NSUN2: variants seen among roughly 807,000 people sequenced by gnomAD.
The protein encoded by NSUN2 is NOP2/Sun RNA methyltransferase 2.
NSUN2 carries 63 observed loss-of-function variants against 92.7 expected under a neutral mutation model. The observed-to-expected ratio is 0.68, with a 90% CI of 0.56 to 0.84. The LOEUF is 0.84. NSUN2 is among the 40% of genes least tolerant of loss of function. NSUN2 has a pLI of 0.00. For missense variants in NSUN2, 989 were observed against 964.9 expected, an observed-to-expected ratio of 1.02 and a Z score of -0.33; for synonymous variants, 356 against 348.3, an observed-to-expected ratio of 1.02 and a Z score of -0.25.
intron 7 of NSUN2, among the ~76,000 whole-genome samples, chr5:6,619,007 C>T (rs1355776898): frequency 6.6e-6 from 1 of 152,128 alleles, no homozygotes; most frequent in African/African-American, 2.4e-5. Flanking sequence ...GAAATCCCAC[C>T]ACAATTTCAG....
chr5:6,620,673 C>A (rs1737398955), intron 6 of NSUN2: 1 of 156,656 alleles, frequency 6.4e-6, no homozygotes, highest in Admixed American at 6.5e-5. Flanking sequence ...TGAACACAAG[C>A]CGGGACCCTG....
rs753194478 is a variant in NSUN2, at chr5:6,611,751, A to C, written c.1069T>G (p.Trp357Gly). 3.7e-6 allele frequency: 6 copies of C among 1,614,160 alleles called. No individual in the cohort carries two copies. Among genetic ancestry groups the C allele is most frequent in the South Asian group, 1.1e-5 (1 of 91,076 alleles). ...DVSNELPGLK[W>G]MPGITQWKVM... ...TTCCACTGTGTGATTCCAGGCATCCACTTCAGCCCTGGCAGTTCATTAGAC... is the reference window on the plus strand; with the variant it reads ...TTCCACTGTGTGATTCCAGGCATCCCCTTCAGCCCTGGCAGTTCATTAGAC... The change falls in exon 10 of 19, where the codon TGG (tryptophan) becomes GGG (glycine). Residue 357 changes from tryptophan (W) to glycine (G), a missense_variant. By Grantham distance (184) the Trp-to-Gly change is radical. This residue lies in a region of NSUN2 where 626 missense variants were observed against 602.3 expected (regional missense o/e 1.04). Coordinates refer to ENST00000264670, the MANE Select transcript of NSUN2 (RefSeq NM_017755.6).
chr5:6,632,943 G>A lies in NSUN2; in HGVS notation c.37C>T (p.Gln13Ter), dbSNP rs1194658632. ...TCCTCCGCGTCCTCCGGCCGCTGCT[G>A]TTGCTGGAGCCGCCGACCCCGCGAC... Reference protein sequence around the residue: ...RRSRGRRLQQQQRPEDAEDGA... With the variant: ...RRSRGRRLQQ The change falls in exon 1 of 19, where the codon CAG becomes TAG. Residue 13 changes from glutamine to a stop codon, truncating the protein, a stop_gained. Coordinates refer to ENST00000264670, the MANE Select transcript of NSUN2 (RefSeq NM_017755.6). LOFTEE classifies it high-confidence loss of function. 6.6e-7 allele frequency: 1 copy of A among 1,506,736 alleles called. No homozygotes were observed. Among genetic ancestry groups the A allele is most frequent in the South Asian group, 1.2e-5 (1 of 81,158 alleles). The allele number at this position is 1,506,736 out of a possible 1,614,324, so 93.3% of individuals were successfully genotyped here.
rs187802504 is a variant in NSUN2 at position 6,606,906 on chromosome 5, A to T, written c.1515T>A (p.Pro505=). The stretch of plus-strand genomic sequence containing the variant: ...CAAATAACTTCATTTTCTTTGATGG[A>T]GGAGGACTAAAAAGGGAATCAGGAT... ...GSKKDGVCGP[P]PSKKMKLFGF... The change falls in exon 14 of 19, where the codon CCT becomes CCA. Residue 505 remains proline, a synonymous_variant. Coordinates refer to ENST00000264670, the MANE Select transcript of NSUN2 (RefSeq NM_017755.6). 3 of 1,566,270 alleles carry T rather than the reference A, an allele frequency of 1.9e-6. No individual in the cohort carries two copies. The highest frequency in any genetic ancestry group is 2.7e-5 in the African/African-American group (2 of 74,008).
Position 6,618,026 on chromosome 5 carries a change from T to C in NSUN2, c.816-2A>G. ...TTTTTTCTCATAGTGCCGTCTCCAC[T>C]GGAAAAAAGATATTTATGAGTGCAA... On this transcript the variant is annotated splice_acceptor_variant, in intron 7 of 18. Coordinates refer to ENST00000264670, the MANE Select transcript of NSUN2 (RefSeq NM_017755.6). LOFTEE classifies it high-confidence loss of function. 1 of 1,611,750 alleles carries C rather than the reference T, an allele frequency of 6.2e-7. No homozygotes were observed. Among genetic ancestry groups the C allele is most frequent in the Non-Finnish European group, 8.5e-7 (1 of 1,178,148 alleles).
At position 6,600,153 on chromosome 5, in the gene NSUN2, T is replaced by C. The variant is rs762371907; in HGVS notation, c.2077A>G (p.Asn693Asp). ...ATCCTGAGATAATGAAGCCGTTCAT[T>C]CTTGGGCACAAAAGTTCGAATGGAG... The part of the protein sequence containing the change: ...KASIRTFVPK[N>D]ERLHYLRMMG... Residue 693 changes from asparagine (N) to aspartate (D), a missense_variant, in exon 19 of 19, where the codon AAT becomes GAT. Around this residue, in one of 3 missense-constraint regions of NSUN2, gnomAD observed 626 missense variants for 602.3 expected, o/e 1.04. Transcript: ENST00000264670. 1.7e-5 allele frequency: 27 copies of C among 1,614,228 alleles called. No individual in the cohort carries two copies. In the East Asian group the frequency reaches 5.6e-4, roughly 33 times the overall value.
intron 3 of NSUN2, among the ~76,000 whole-genome samples, chr5:6,628,587 T>C (rs534450353): frequency 6.6e-6 from 1 of 152,334 alleles, no homozygotes; most frequent in African/African-American, 2.4e-5. Context: ...TACCAGAGGA[T>C]TGGGAAGAAT....
At chr5:6,608,037 T>C (rs1366297) in intron 12 of NSUN2, among the ~76,000 whole-genome samples, 89,580 of 152,124 alleles carry the variant, frequency 0.59, 27,087 homozygotes, top group Non-Finnish European at 0.67. Flanking sequence ...AATTCCTCAG[T>C]CCCTATGAAG....
intron 7 of NSUN2, among the ~76,000 whole-genome samples, chr5:6,619,617 A>C (rs1234427728): frequency 6.6e-6 from 1 of 152,216 alleles, no homozygotes; most frequent in Non-Finnish European, 1.5e-5. Context: ...ATAAAAACAC[A>C]AGCAAAATGA....
chr5:6,604,628 A>T lies in NSUN2; in HGVS notation c.1795T>A (p.Cys599Ser), dbSNP rs752190379. Residue 599 changes from cysteine (C) to serine (S), a missense_variant, in exon 16 of 19, where the codon TGT becomes AGT. This residue lies in a region of NSUN2 where 626 missense variants were observed against 602.3 expected (regional missense o/e 1.04). Transcript: ENST00000264670. Reference sequence around the variant, plus strand: ...ACCTCCTGTGCCAGCCGGAAAGCACAGTCAAACTCTTCACCGCTGTTATTT... The same window carrying T: ...ACCTCCTGTGCCAGCCGGAAAGCACTGTCAAACTCTTCACCGCTGTTATTT... The part of the protein sequence containing the change: ...CRNNSGEEFD[C>S]AFRLAQEGIY... 1 of 1,614,180 alleles carries T rather than the reference A, an allele frequency of 6.2e-7. No homozygotes were observed. The highest frequency in any genetic ancestry group is 1.1e-5 in the South Asian group (1 of 91,080).
At chr5:6,605,172 G>A (rs2126472278) in intron 15 of NSUN2, 101 bp downstream of exon 15, 2 of 1,482,234 alleles carry the variant, frequency 1.3e-6, no homozygotes, top group East Asian at 4.5e-5. Flanking sequence ...TACAGGTGGG[G>A]AGGGCAGATG....
At chr5:6,622,367 T>C (rs1737481223) in intron 5 of NSUN2, among the ~76,000 whole-genome samples, 1 of 152,142 alleles carries the variant, frequency 6.6e-6, no homozygotes, top group South Asian at 2.1e-4. Flanking sequence ...GTAAGAATCA[T>C]GAAAACATAA....
At chr5:6,611,348 T>A (rs1166195992) in intron 10 of NSUN2, among the ~76,000 whole-genome samples, 2 of 151,720 alleles carry the variant, frequency 1.3e-5, no homozygotes, top group African/African-American at 4.8e-5. Flanking sequence ...ACATTTTCCA[T>A]CTAGTTTTTT....
intron 9 of NSUN2, among the ~76,000 whole-genome samples, chr5:6,613,913 A>G (rs1194445817): frequency 6.6e-6 from 1 of 152,076 alleles, no homozygotes; most frequent in East Asian, 1.9e-4. Flanking sequence ...CCTGGCCAAC[A>G]TGGTGAAACC....
chr5:6,606,764 T>C (rs530375351), intron 14 of NSUN2, 56 bp downstream of exon 14: 350 of 981,902 alleles, frequency 3.6e-4, no homozygotes, highest in Admixed American at 5.0e-4. Flanking sequence ...AGTTGTACAT[T>C]TGATACTCTA....
At position 6,604,122 on chromosome 5, in the gene NSUN2, A is replaced by G; in HGVS notation, c.1957+16T>C. On this transcript the variant is annotated intron_variant, in intron 17 of 18. Coordinates refer to ENST00000264670, the MANE Select transcript of NSUN2 (RefSeq NM_017755.6). Reference sequence around the variant, plus strand: ...GGGAATACAAGTTATGTCTCTATGCATTTCCAACTACTCACCCAGGTCCTT... The same window carrying G: ...GGGAATACAAGTTATGTCTCTATGCGTTTCCAACTACTCACCCAGGTCCTT... 6.2e-7 allele frequency: 1 copy of G among 1,609,376 alleles called. No homozygotes were observed. Among genetic ancestry groups the G allele is most frequent in the African/African-American group, 1.3e-5 (1 of 74,760 alleles).
intron 12 of NSUN2, among the ~76,000 whole-genome samples, chr5:6,608,591 TAA>T: frequency 6.6e-6 from 1 of 152,246 alleles, no homozygotes; most frequent in Admixed American, 6.5e-5. Context: ...TAAGTTGTTC[TAA>T]AAAGTAAGAC....
intron 4 of NSUN2, among the ~76,000 whole-genome samples, chr5:6,623,534 T>G (rs959155580): frequency 2.0e-5 from 3 of 152,082 alleles, no homozygotes; most frequent in Admixed American, 1.3e-4. Flanking sequence ...AAAAGGGACT[T>G]GAAGCTTACA....
intron 9 of NSUN2, among the ~76,000 whole-genome samples, chr5:6,615,632 G>A (rs929683158): frequency 6.6e-6 from 1 of 152,158 alleles, no homozygotes; most frequent in African/African-American, 2.4e-5. Flanking sequence ...ACAACCGCAG[G>A]GCTGAGGGCA....
Sources: allele counts gnomAD v4.1 joint callset (sites outside exome capture counted in the v4.1 genomes callset), GRCh38; gene constraint gnomAD v4.1.1; regional missense constraint gnomAD v4.1.1; transcripts MANE v1.5; gene names NCBI Gene and HGNC (gene_info 2026-07-23, HGNC 2026-07-21).